MAP4: variants seen among roughly 807,000 people sequenced by gnomAD.
MAP4 encodes microtubule-associated protein 4.
MAP4 carries 76 observed loss-of-function variants against 170.2 expected under a neutral mutation model. The observed-to-expected ratio is 0.45, with a 90% CI of 0.37 to 0.54. The LOEUF (loss-of-function observed/expected upper bound fraction) is 0.54. MAP4 is among the 20% of genes least tolerant of loss of function. MAP4 has a pLI of 0.00. For missense variants in MAP4, 2,506 were observed against 2,748.0 expected (o/e 0.91, Z 1.97); for synonymous variants, 909 against 994.5 (o/e 0.91, Z 1.62).
At chr3:47,929,893 C>T (rs1394668517) in intron 3 of MAP4, among the ~76,000 whole-genome samples, 1 of 152,110 alleles carries the variant, frequency 6.6e-6, no homozygotes, top group African/African-American at 2.4e-5. Context: ...CTTTGGGAGG[C>T]CGAGGCAGGC....
chr3:47,982,379 G>A (rs1342443404), intron 2 of MAP4, among the ~76,000 whole-genome samples: 3 of 152,076 alleles, frequency 2.0e-5, no homozygotes, highest in Non-Finnish European at 4.4e-5. Context: ...GGAAATAAAA[G>A]TTCAAGGACT....
At chr3:47,854,568 T>A (rs1484716743) in intron 19 of MAP4, among the ~76,000 whole-genome samples, 1 of 152,090 alleles carries the variant, frequency 6.6e-6, no homozygotes, top group Admixed American at 6.5e-5. Context: ...CACCCACGGA[T>A]GACATGGAAC....
intron 3 of MAP4, among the ~76,000 whole-genome samples, chr3:47,966,941 T>C (rs1338771537): frequency 6.6e-6 from 1 of 152,222 alleles, no homozygotes; most frequent in East Asian, 1.9e-4. Flanking sequence ...TTTTTCAAGA[T>C]TGTTTTGTCT....
chr3:48,078,358 T>C (rs1008703150), intron 1 of MAP4, among the ~76,000 whole-genome samples: 2 of 148,596 alleles, frequency 1.3e-5, no homozygotes, highest in Admixed American at 1.4e-4. Context: ...TGCCATGCTA[T>C]GTTGCCCATG....
At chr3:47,975,614 T>C (rs2100081617) in intron 3 of MAP4, 4 of 699,282 alleles carry the variant, frequency 5.7e-6, no homozygotes, top group Admixed American at 2.1e-5. Flanking sequence ...CTCGGGACTA[T>C]AGATAACATT....
chr3:47,852,455 C>T lies in MAP4; in HGVS notation c.*479G>A, dbSNP rs935412611. ...CCACGGTCAGCGTCCTGTCACCACT[C>T]GGAATCCACCTCCACTCTTCCCTCC... is the stretch of plus-strand genomic sequence containing the variant. On this transcript the variant is annotated 3_prime_UTR_variant, in exon 21 of 21. Coordinates refer to ENST00000683076, the MANE Select transcript of MAP4 (RefSeq NM_001385682.1). 8 of 282,092 alleles carry T rather than the reference C, an allele frequency of 2.8e-5. No homozygotes were observed. The highest frequency in any genetic ancestry group is 1.1e-3 in the Middle Eastern group (1 of 934). The allele number at this position is 282,092 out of a possible 1,614,324, so 17.5% of individuals were successfully genotyped here.
chr3:47,936,850 G>A (rs892212064), intron 3 of MAP4, among the ~76,000 whole-genome samples: 2 of 151,796 alleles, frequency 1.3e-5, no homozygotes, highest in Admixed American at 1.3e-4. Flanking sequence ...CATGGTAGCG[G>A]GCTCCTGTAA....
At chr3:47,887,309 C>T (rs1396374627) in intron 10 of MAP4, among the ~76,000 whole-genome samples, 1 of 152,244 alleles carries the variant, frequency 6.6e-6, no homozygotes, top group East Asian at 1.9e-4. Context: ...AGCAGCCAGC[C>T]AGCCCTGCTG....
At chr3:47,987,893 C>T (rs747416544) in intron 2 of MAP4, among the ~76,000 whole-genome samples, 2 of 151,922 alleles carry the variant, frequency 1.3e-5, no homozygotes, top group African/African-American at 2.4e-5. Flanking sequence ...GTAGTAGAAA[C>T]GTCTCTTTAA....
chr3:47,858,603 GTGTGTGTGTGTGCGCGT>G (rs947043075), intron 17 of MAP4, among the ~76,000 whole-genome samples: 1 of 138,938 alleles, frequency 7.2e-6, no homozygotes, highest in Non-Finnish European at 1.5e-5. Flanking sequence ...GTGTGTGTGT[GTGTGTGTGTGTGCGCGT>G]TGTGTGTGTG....
intron 1 of MAP4, among the ~76,000 whole-genome samples, chr3:48,022,787 G>A (rs1326223021): frequency 6.6e-6 from 1 of 152,048 alleles, no homozygotes. Flanking sequence ...GCTACTCAGG[G>A]GGCTGAGGCA....
intron 2 of MAP4, among the ~76,000 whole-genome samples, chr3:47,988,722 T>C (rs2100090422): frequency 6.6e-6 from 1 of 152,040 alleles, no homozygotes; most frequent in African/African-American, 2.4e-5. Flanking sequence ...AATGGATTTT[T>C]AGTTTTTAAA....
chr3:47,979,957 T>C (rs2154285179), intron 2 of MAP4, among the ~76,000 whole-genome samples: 1 of 152,266 alleles, frequency 6.6e-6, no homozygotes, highest in East Asian at 1.9e-4. Context: ...CCCAAGTAGC[T>C]GGGACCACAG....
chr3:47,877,181 C>G (rs1378814295), intron 11 of MAP4: 1 of 402,110 alleles, frequency 2.5e-6, no homozygotes. Flanking sequence ...CCGGCCTCTA[C>G]AGAACATTTT....
In MAP4 at chr3:47,888,215, C is replaced by T. The variant is rs376068677; in HGVS notation, c.5435-10692G>A. ...GACAAAACAGGCCACTCGGCTCTAC[C>T]AATCAGCAGGATGTGGGTGGGCCCA... On this transcript the variant is annotated intron_variant, in intron 10 of 20. Coordinates refer to ENST00000683076, the MANE Select transcript of MAP4 (RefSeq NM_001385682.1). Among the ~76,000 whole-genome samples, 48 of 152,322 alleles carry T rather than the reference C, an allele frequency of 3.2e-4. No individual in the cohort carries two copies. In the South Asian group the frequency reaches 9.3e-3, roughly 30 times the overall value.
chr3:48,032,182 C>T (rs2100116509), intron 1 of MAP4, among the ~76,000 whole-genome samples: 1 of 151,784 alleles, frequency 6.6e-6, no homozygotes, highest in African/African-American at 2.4e-5. Context: ...AATGTGGTAT[C>T]CTAGATGAGA....
At chr3:47,982,740 T>G (rs1402452357) in intron 2 of MAP4, among the ~76,000 whole-genome samples, 3 of 152,156 alleles carry the variant, frequency 2.0e-5, no homozygotes. Flanking sequence ...AAAAAGCAAG[T>G]TAAAATTCAT....
chr3:48,038,228 C>T (rs1214125559), intron 1 of MAP4, among the ~76,000 whole-genome samples: 2 of 151,466 alleles, frequency 1.3e-5, no homozygotes, highest in East Asian at 3.9e-4. Context: ...GGATGCTCAC[C>T]CAGCACCTAT....
At chr3:47,892,644 G>A (rs2100024636) in intron 10 of MAP4, 3 of 1,392,216 alleles carry the variant, frequency 2.2e-6, no homozygotes, top group East Asian at 2.6e-5. Flanking sequence ...AAGCAGTTGA[G>A]TATTAAATGC....
Sources: gnomAD v4.1 joint callset for allele counts (sites outside exome capture counted in the v4.1 genomes callset) on GRCh38, gnomAD v4.1.1 for gene constraint, MANE v1.5 for transcripts, NCBI Gene and HGNC (gene_info 2026-07-23, HGNC 2026-07-21) for gene names.